The following CAMKMT variants were observed in gnomAD, a reference collection of about 807,000 sequenced individuals.
CAMKMT encodes the protein CaM KMT.
Under a neutral mutation model 48.0 loss-of-function variants are expected in CAMKMT, and 53 were observed. That is an observed-to-expected ratio of 1.10 (90% CI 0.89 to 1.39). CAMKMT has a LOEUF of 1.39. Ranked by LOEUF, CAMKMT falls within the 40% of genes most tolerant of loss-of-function variation. The pLI, the probability that CAMKMT is intolerant of heterozygous loss-of-function variation, is 0.00. For missense variants in CAMKMT, 428 were observed against 402.7 expected (o/e 1.06, Z -0.54); for synonymous variants, 165 against 152.3 (o/e 1.08, Z -0.61).
chr2:44,491,280 C>A (rs1669491327), intron 3 of CAMKMT, among the ~76,000 whole-genome samples: 1 of 151,850 alleles, frequency 6.6e-6, no homozygotes. Context: ...AGAGGTGGTC[C>A]ATTCTAGGGC....
chr2:44,498,654 G>C (rs571867184), intron 3 of CAMKMT, among the ~76,000 whole-genome samples: 1 of 152,182 alleles, frequency 6.6e-6, no homozygotes, highest in East Asian at 1.9e-4. Context: ...GACCAACTGC[G>C]AGGGGACTGT....
chr2:44,599,826 TA>T (rs35544020), intron 3 of CAMKMT, among the ~76,000 whole-genome samples: 138 of 145,404 alleles, frequency 9.5e-4, no homozygotes, highest in East Asian at 2.0e-3. Flanking sequence ...TGGCAAGGTT[TA>T]AAAAAAAAAA....
intron 3 of CAMKMT, among the ~76,000 whole-genome samples, chr2:44,611,683 A>G (rs1482854568): frequency 6.6e-6 from 1 of 151,982 alleles, no homozygotes; most frequent in African/African-American, 2.4e-5. Flanking sequence ...AAGAGTGGGT[A>G]ATTTATAAAG....
At chr2:44,407,978 T>C (rs978879151) in intron 3 of CAMKMT, among the ~76,000 whole-genome samples, 5 of 151,812 alleles carry the variant, frequency 3.3e-5, no homozygotes, top group Non-Finnish European at 5.9e-5. Context: ...GGAAACTTAA[T>C]TGAGGCCTGG....
At chr2:44,685,542 A>G (rs1006643489) in intron 3 of CAMKMT, among the ~76,000 whole-genome samples, 3 of 152,218 alleles carry the variant, frequency 2.0e-5, no homozygotes, top group African/African-American at 7.2e-5. Context: ...TACAAAGCTT[A>G]TGAATCTCTG....
chr2:44,454,760 A>C (rs1401329004), intron 3 of CAMKMT, among the ~76,000 whole-genome samples: 1 of 152,162 alleles, frequency 6.6e-6, no homozygotes, highest in African/African-American at 2.4e-5. Context: ...AGAGGCTTTC[A>C]TGTTAGGTCA....
intron 3 of CAMKMT, chr2:44,456,467 T>G: frequency 7.2e-7 from 1 of 1,397,502 alleles, no homozygotes; most frequent in Non-Finnish European, 9.7e-7. Context: ...TATATAAATA[T>G]GTACATTCTT....
At chr2:44,597,108 A>G (rs1670711525) in intron 3 of CAMKMT, among the ~76,000 whole-genome samples, 1 of 152,264 alleles carries the variant, frequency 6.6e-6, no homozygotes, top group African/African-American at 2.4e-5. Flanking sequence ...CTTCTTGGGG[A>G]CAGCTTTCTG....
At chr2:44,406,321 A>C (rs1433015600) in intron 3 of CAMKMT, among the ~76,000 whole-genome samples, 1 of 152,042 alleles carries the variant, frequency 6.6e-6, no homozygotes, top group Non-Finnish European at 1.5e-5. Flanking sequence ...GAATTTATAT[A>C]ACATCTGTTG....
At chr2:44,583,266 A>C (rs2103782493) in intron 3 of CAMKMT, among the ~76,000 whole-genome samples, 2 of 152,300 alleles carry the variant, frequency 1.3e-5, no homozygotes, top group South Asian at 4.1e-4. Context: ...GTAATCAATG[A>C]GCAAGACACA....
At chr2:44,581,869 C>T (rs1024039344) in intron 3 of CAMKMT, among the ~76,000 whole-genome samples, 5 of 152,166 alleles carry the variant, frequency 3.3e-5, no homozygotes, top group Non-Finnish European at 5.9e-5. Context: ...CGTGGTGCCG[C>T]GCGCCTGTAG....
chr2:44,501,768 A>G (rs1319660659), intron 3 of CAMKMT, among the ~76,000 whole-genome samples: 1 of 152,146 alleles, frequency 6.6e-6, no homozygotes, highest in African/African-American at 2.4e-5. Flanking sequence ...TTGTAGTCCC[A>G]GCAGGAGGCT....
chr2:44,552,665 C>CTTACAACTGTTAAAA (rs1667785945), intron 3 of CAMKMT, among the ~76,000 whole-genome samples: 1 of 152,110 alleles, frequency 6.6e-6, no homozygotes, highest in Non-Finnish European at 1.5e-5. Context: ...TACAACTGTT[C>CTTACAACTGTTAAAA]TGCTAATATT....
chr2:44,704,124 TAAC>T (rs997579606), intron 3 of CAMKMT, among the ~76,000 whole-genome samples, 156 bp from the exon 4 acceptor site: 2 of 152,140 alleles, frequency 1.3e-5, no homozygotes, highest in Admixed American at 6.5e-5. Flanking sequence ...ACTATAAAAA[TAAC>T]AACAATAAAA....
At chr2:44,636,847 G>A (rs1274601499) in intron 3 of CAMKMT, among the ~76,000 whole-genome samples, 1 of 152,108 alleles carries the variant, frequency 6.6e-6, no homozygotes, top group Non-Finnish European at 1.5e-5. Flanking sequence ...CTTTGATTTT[G>A]TTCCCTGTCT....
chr2:44,580,243 A>AAAAAT (rs367927902), intron 3 of CAMKMT, among the ~76,000 whole-genome samples: 5,759 of 139,880 alleles, frequency 0.041, 285 homozygotes, highest in African/African-American at 0.12. Context: ...ATCAGGGCTC[A>AAAAAT]AAAATAAAAT....
At chr2:44,699,225 T>C (rs1181533394) in intron 3 of CAMKMT, among the ~76,000 whole-genome samples, 1 of 152,218 alleles carries the variant, frequency 6.6e-6, no homozygotes, top group Non-Finnish European at 1.5e-5. Flanking sequence ...TCAACTGACT[T>C]TGCTCAGATG....
At chr2:44,705,381 C>T in intron 4 of CAMKMT, 1 of 985,296 alleles carries the variant, frequency 1.0e-6, no homozygotes, top group Non-Finnish European at 1.2e-6. Flanking sequence ...TAAATAAGAA[C>T]AGGGCAATTT....
intron 3 of CAMKMT, among the ~76,000 whole-genome samples, chr2:44,465,624 G>C (rs778082739): frequency 1.6e-4 from 24 of 151,730 alleles, no homozygotes; most frequent in Non-Finnish European, 3.5e-4. Context: ...GAGAAAAGGA[G>C]AGACAAAATA....
Sources: gnomAD v4.1 joint callset for allele counts (sites outside exome capture counted in the v4.1 genomes callset) on GRCh38, gnomAD v4.1.1 for gene constraint, MANE v1.5 for transcripts, NCBI Gene and HGNC (gene_info 2026-07-23, HGNC 2026-07-21) for gene names.